The following CCSER1 variants were observed in gnomAD, a reference collection of about 807,000 sequenced individuals.
CCSER1 encodes serine-rich coiled-coil domain-containing protein 1.
A neutral mutation model predicts 82.0 loss-of-function variants in CCSER1; 41 were observed. The ratio of observed to expected loss-of-function variants is 0.50; its 90% CI spans 0.39 to 0.65. The LOEUF (loss-of-function observed/expected upper bound fraction) is 0.65. Ranked by LOEUF, CCSER1 falls within the 30% of genes least tolerant of loss-of-function variation. The pLI is 0.00. For missense variants in CCSER1, 1,119 were observed against 1,064.2 expected (o/e 1.05, Z -0.72); for synonymous variants, 414 against 383.9 (o/e 1.08, Z -0.92).
chr4:91,431,871 T>A lies in CCSER1; in HGVS notation c.2218-166701T>A, dbSNP rs185811660. Reference sequence around the variant, plus strand: ...AGATTTTTCTAAATTAGTTCACAGGTTTTTTTTTTCTTTATTGTTGGTTCA... The same window carrying A: ...AGATTTTTCTAAATTAGTTCACAGGATTTTTTTTTCTTTATTGTTGGTTCA... On this transcript the variant is annotated intron_variant, in intron 10 of 10. Transcript: ENST00000509176. Among the ~76,000 whole-genome samples, 763 of 148,842 alleles carry A rather than the reference T, an allele frequency of 5.1e-3. 5 individuals are homozygous for A. Among genetic ancestry groups the A allele is most frequent in the Non-Finnish European group, 7.2e-3 (481 of 67,156 alleles).
chr4:90,795,306 G>GA (rs1755841170), intron 7 of CCSER1, among the ~76,000 whole-genome samples: 1 of 148,614 alleles, frequency 6.7e-6, no homozygotes, highest in African/African-American at 2.5e-5. Flanking sequence ...AAAAAAAAAG[G>GA]AAACAAAGAA....
chr4:91,552,327 C>T (rs538211308), intron 10 of CCSER1, among the ~76,000 whole-genome samples: 1 of 151,742 alleles, frequency 6.6e-6, no homozygotes, highest in Non-Finnish European at 1.5e-5. Context: ...TATTTCCAAA[C>T]ATAAATTACT....
intron 9 of CCSER1, among the ~76,000 whole-genome samples, chr4:91,011,432 C>T (rs1439260241): frequency 1.5e-5 from 2 of 134,076 alleles, no homozygotes; most frequent in African/African-American, 5.0e-5. Flanking sequence ...GTGCTCAGAA[C>T]AGCTGTAGAG....
At chr4:90,519,868 AACTT>A (rs371848518) in intron 5 of CCSER1, among the ~76,000 whole-genome samples, 35 of 152,180 alleles carry the variant, frequency 2.3e-4, no homozygotes, top group East Asian at 1.5e-3. Flanking sequence ...TTCAGAAAAA[AACTT>A]AAATAATCTT....
At chr4:91,197,485 CCTGAGAAA>C (rs1209395719) in intron 10 of CCSER1, among the ~76,000 whole-genome samples, 1 of 152,018 alleles carries the variant, frequency 6.6e-6, no homozygotes, top group African/African-American at 2.4e-5. Flanking sequence ...AGCTCGTGTG[CCTGAGAAA>C]CTGAATTTCT....
At chr4:90,560,869 G>T (rs1208088170) in intron 5 of CCSER1, among the ~76,000 whole-genome samples, 2 of 152,078 alleles carry the variant, frequency 1.3e-5, no homozygotes, top group African/African-American at 2.4e-5. Context: ...CTGGATGTTT[G>T]AAATTATTTC....
At chr4:90,851,524 C>T (rs923953110) in intron 8 of CCSER1, among the ~76,000 whole-genome samples, 14 of 150,900 alleles carry the variant, frequency 9.3e-5, no homozygotes, top group Non-Finnish European at 1.3e-4. Context: ...TCCAATGCAG[C>T]CCTTGGAGAC....
intron 5 of CCSER1, among the ~76,000 whole-genome samples, chr4:90,473,928 C>T (rs1764727986): frequency 6.6e-6 from 1 of 152,238 alleles, no homozygotes; most frequent in Admixed American, 6.5e-5. Flanking sequence ...TGGCACTCTG[C>T]ATAGTGCTAG....
intron 6 of CCSER1, among the ~76,000 whole-genome samples, chr4:90,666,104 A>T (rs981281325): frequency 6.6e-6 from 1 of 151,908 alleles, no homozygotes; most frequent in African/African-American, 2.4e-5. Flanking sequence ...TTCACCTATC[A>T]TATCTGCCTG....
chr4:91,242,411 C>G (rs929158706), intron 10 of CCSER1, among the ~76,000 whole-genome samples: 1 of 152,152 alleles, frequency 6.6e-6, no homozygotes, highest in Non-Finnish European at 1.5e-5. Flanking sequence ...TCTCTTCTAT[C>G]TAATAATTAC....
At chr4:90,933,287 A>ACG (rs1730480652) in intron 9 of CCSER1, among the ~76,000 whole-genome samples, 1 of 150,850 alleles carries the variant, frequency 6.6e-6, no homozygotes, top group Admixed American at 6.6e-5. Flanking sequence ...TCCCGGGTTC[A>ACG]CCGCATTCTC....
intron 10 of CCSER1, among the ~76,000 whole-genome samples, chr4:91,403,505 C>T (rs1268423181): frequency 6.6e-6 from 1 of 152,120 alleles, no homozygotes; most frequent in African/African-American, 2.4e-5. Flanking sequence ...AGCTTTTGCC[C>T]ACTCAGTATG....
At chr4:90,903,175 C>T (rs780374110) in intron 8 of CCSER1, among the ~76,000 whole-genome samples, 4 of 152,034 alleles carry the variant, frequency 2.6e-5, no homozygotes, top group Non-Finnish European at 1.5e-5. Context: ...CTCCAAATCT[C>T]AACTTGAATT....
At chr4:90,351,461 T>C (rs771928119) in intron 3 of CCSER1, among the ~76,000 whole-genome samples, 2 of 152,152 alleles carry the variant, frequency 1.3e-5, no homozygotes, top group Non-Finnish European at 2.9e-5. Context: ...GAAAAGATAT[T>C]TCTAATGATA....
intron 4 of CCSER1, among the ~76,000 whole-genome samples, chr4:90,455,090 G>T (rs1477958990): frequency 6.6e-6 from 1 of 152,146 alleles, no homozygotes; most frequent in East Asian, 1.9e-4. Context: ...CACCAGGAGG[G>T]CAGAATCAAT....
At chr4:91,028,973 A>G (rs1740733581) in intron 9 of CCSER1, among the ~76,000 whole-genome samples, 1 of 152,028 alleles carries the variant, frequency 6.6e-6, no homozygotes, top group Non-Finnish European at 1.5e-5. Context: ...TTGAACTAAA[A>G]TCTCCTCTAA....
intron 7 of CCSER1, among the ~76,000 whole-genome samples, chr4:90,745,343 T>C (rs914062704): frequency 1.1e-4 from 16 of 152,192 alleles, no homozygotes; most frequent in African/African-American, 3.9e-4. Flanking sequence ...AACTTTGTGA[T>C]TCACTGGGTC....
At chr4:91,445,591 C>CT (rs1755506718) in intron 10 of CCSER1, among the ~76,000 whole-genome samples, 1 of 152,068 alleles carries the variant, frequency 6.6e-6, no homozygotes, top group African/African-American at 2.4e-5. Context: ...ATCATTCTCT[C>CT]TCACTTTCTC....
At chr4:90,973,819 A>G (rs1735348141) in intron 9 of CCSER1, among the ~76,000 whole-genome samples, 1 of 151,584 alleles carries the variant, frequency 6.6e-6, no homozygotes, top group African/African-American at 2.4e-5. Flanking sequence ...AGACAAACGC[A>G]TACATACACA....
Sources: gnomAD v4.1 joint callset for allele counts (sites outside exome capture counted in the v4.1 genomes callset) on GRCh38, gnomAD v4.1.1 for gene constraint, MANE v1.5 for transcripts, NCBI Gene and HGNC (gene_info 2026-07-23, HGNC 2026-07-21) for gene names.